Variants in NAALADL2 observed in about 807,000 individuals in gnomAD.
NAALADL2 encodes inactive N-acetylated-alpha-linked acidic dipeptidase-like protein 2.
A neutral mutation model predicts 87.2 loss-of-function variants in NAALADL2; 76 were observed. The observed-to-expected ratio is 0.87, with a 90% CI of 0.72 to 1.05. The LOEUF (loss-of-function observed/expected upper bound fraction) is 1.05, where lower values mean the gene tolerates loss of function less well. Ranked by LOEUF, NAALADL2 falls within the 50% of genes least tolerant of loss-of-function variation. The probability of loss-of-function intolerance (pLI) is 0.00; values close to 1 mark genes in which losing one functional copy is unlikely to be tolerated. For missense variants in NAALADL2, 1,089 were observed against 945.8 expected (o/e 1.15, Z -1.99); for synonymous variants, 354 against 331.0 (o/e 1.07, Z -0.75).
chr3:174,488,624 T>G (rs1718002393), intron 1 of NAALADL2, among the ~76,000 whole-genome samples: 1 of 152,072 alleles, frequency 6.6e-6, no homozygotes, highest in Non-Finnish European at 1.5e-5. Context: ...CTATCTGGGA[T>G]AAGTTCTTAG....
In NAALADL2 at chr3:175,667,227, G is replaced by T. The variant is rs946292797; in HGVS notation, c.1896+39841G>T. On this transcript the variant is annotated intron_variant, in intron 11 of 13. Transcript: ENST00000454872. ...AGAAAGAAAGAAAGAAAGAAAGAAA[G>T]AAAGAAAGAAAGAAAAAGAAAGAAA... Among the ~76,000 whole-genome samples, 431 of 126,922 alleles carry T rather than the reference G, an allele frequency of 3.4e-3. 6 individuals are homozygous for T. The highest frequency in any genetic ancestry group is 0.016 in the African/African-American group (414 of 25,748). 83.3% of individuals were successfully genotyped at this position (126,922 alleles called of 152,430 possible).
intron 11 of NAALADL2, among the ~76,000 whole-genome samples, chr3:175,648,796 A>G (rs945108370): frequency 3.3e-5 from 5 of 152,214 alleles, no homozygotes; most frequent in African/African-American, 1.2e-4. Flanking sequence ...TTTCCTCTTT[A>G]TAAATCCCAA....
chr3:175,635,688 G>A (rs974319819), intron 11 of NAALADL2, among the ~76,000 whole-genome samples: 24 of 151,906 alleles, frequency 1.6e-4, no homozygotes, highest in South Asian at 8.3e-4. Context: ...CTGTCAATAA[G>A]TTGAAAGTGA....
At chr3:174,846,163 G>T (rs1433824567) in intron 3 of NAALADL2, among the ~76,000 whole-genome samples, 1 of 152,150 alleles carries the variant, frequency 6.6e-6, no homozygotes, top group Non-Finnish European at 1.5e-5. Flanking sequence ...CCTTTTTGCT[G>T]CAAGAATAAG....
At chr3:174,845,771 G>A (rs1724554453) in intron 3 of NAALADL2, among the ~76,000 whole-genome samples, 1 of 152,152 alleles carries the variant, frequency 6.6e-6, no homozygotes, top group African/African-American at 2.4e-5. Flanking sequence ...GGTACCTCAT[G>A]GTTTCAGCCA....
Position 175,367,972 on chromosome 3 carries a change from T to G in NAALADL2, c.1090+43647T>G, listed in dbSNP as rs373019210. Among the ~76,000 whole-genome samples, 98 of 152,242 alleles carry G rather than the reference T, an allele frequency of 6.4e-4. 2 individuals are homozygous for G. In the South Asian group the frequency reaches 8.3e-3, roughly 13 times the overall value. Reference sequence around the variant, plus strand: ...AATGCTTCCAGTTTTTGCCCATTCATTATGATATTGGCTGTGGGTTTGTCA... The same window carrying G: ...AATGCTTCCAGTTTTTGCCCATTCAGTATGATATTGGCTGTGGGTTTGTCA... On this transcript the variant is annotated intron_variant, in intron 5 of 13. Transcript: ENST00000454872.
At chr3:175,739,148 A>C (rs911544128) in intron 12 of NAALADL2, among the ~76,000 whole-genome samples, 1 of 152,230 alleles carries the variant, frequency 6.6e-6, no homozygotes, top group Non-Finnish European at 1.5e-5. Flanking sequence ...CTAACATTAT[A>C]TAATAGAATT....
chr3:174,635,733 T>A (rs1660937425), intron 2 of NAALADL2, among the ~76,000 whole-genome samples: 1 of 152,076 alleles, frequency 6.6e-6, no homozygotes. Flanking sequence ...GAACTCCTGA[T>A]CTCAGGTGAC....
At chr3:175,012,736 C>T (rs569695184) in intron 1 of NAALADL2, among the ~76,000 whole-genome samples, 26 of 151,912 alleles carry the variant, frequency 1.7e-4, no homozygotes, top group South Asian at 8.3e-4. Flanking sequence ...GTAGTTGTGA[C>T]GGGGAACACT....
intron 3 of NAALADL2, among the ~76,000 whole-genome samples, chr3:174,801,270 G>A (rs978082685): frequency 9.2e-5 from 14 of 152,152 alleles, no homozygotes; most frequent in African/African-American, 3.1e-4. Flanking sequence ...AATCATGGGG[G>A]CAGGTCTTTC....
intron 3 of NAALADL2, among the ~76,000 whole-genome samples, chr3:174,755,533 A>T (rs940751779): frequency 6.6e-6 from 1 of 152,126 alleles, no homozygotes; most frequent in Admixed American, 6.5e-5. Flanking sequence ...ATTTCGAGCC[A>T]CCTCTCCTTT....
chr3:175,611,699 A>G (rs1170837648), intron 10 of NAALADL2, among the ~76,000 whole-genome samples: 1 of 152,106 alleles, frequency 6.6e-6, no homozygotes, highest in Non-Finnish European at 1.5e-5. Flanking sequence ...AACTAAAAGC[A>G]TATTTTCTTT....
intron 2 of NAALADL2, among the ~76,000 whole-genome samples, chr3:175,099,182 C>T (rs1580435755): frequency 6.6e-6 from 1 of 151,902 alleles, no homozygotes; most frequent in South Asian, 2.1e-4. Context: ...TGCAAATAGG[C>T]AACTGATTAT....
At chr3:174,771,528 C>T (rs1714552883) in intron 3 of NAALADL2, among the ~76,000 whole-genome samples, 1 of 152,104 alleles carries the variant, frequency 6.6e-6, no homozygotes, top group African/African-American at 2.4e-5. Flanking sequence ...CTGGGTATTG[C>T]TAATGTGTCG....
chr3:175,695,292 T>C (rs960812615), intron 11 of NAALADL2, among the ~76,000 whole-genome samples: 4 of 152,208 alleles, frequency 2.6e-5, no homozygotes, highest in African/African-American at 9.6e-5. Flanking sequence ...AAGTTTATTT[T>C]TCCAATGTCT....
At chr3:174,769,682 A>G (rs1714282510) in intron 3 of NAALADL2, among the ~76,000 whole-genome samples, 1 of 105,774 alleles carries the variant, frequency 9.5e-6, no homozygotes, top group Admixed American at 9.1e-5. Context: ...AAATTTCTAT[A>G]TTCTGTTTTC....
At chr3:175,696,455 A>G (rs1033417157) in intron 11 of NAALADL2, among the ~76,000 whole-genome samples, 3 of 152,128 alleles carry the variant, frequency 2.0e-5, no homozygotes, top group African/African-American at 7.2e-5. Flanking sequence ...GAAAAGATGT[A>G]GGGAACAACT....
intron 13 of NAALADL2, among the ~76,000 whole-genome samples, chr3:175,797,777 T>C (rs1326783227): frequency 2.0e-5 from 3 of 152,096 alleles, no homozygotes; most frequent in Non-Finnish European, 4.4e-5. Flanking sequence ...CAAAGAGCTT[T>C]TGAATTAGAA....
At chr3:175,380,691 T>A (rs1581659704) in intron 5 of NAALADL2, among the ~76,000 whole-genome samples, 1 of 152,162 alleles carries the variant, frequency 6.6e-6, no homozygotes, top group South Asian at 2.1e-4. Flanking sequence ...TTTAGTAATA[T>A]ACTGTAGAAT....
Sources: gnomAD v4.1 joint callset for allele counts (sites outside exome capture counted in the v4.1 genomes callset) on GRCh38, gnomAD v4.1.1 for gene constraint, MANE v1.5 for transcripts, NCBI Gene and HGNC (gene_info 2026-07-23, HGNC 2026-07-21) for gene names.